The following FSTL1 variants were observed in gnomAD, a reference collection of about 807,000 sequenced individuals.
FSTL1 encodes follistatin like 1, also known as follistatin-related protein 1.
Under a neutral mutation model 45.9 loss-of-function variants are expected in FSTL1, and 24 were observed. The observed-to-expected ratio is 0.52, with a 90% confidence interval of 0.38 to 0.74. FSTL1 has a LOEUF of 0.74. Ranked by LOEUF, FSTL1 falls within the 30% of genes least tolerant of loss-of-function variation. The pLI is 0.00. For synonymous variants in FSTL1, 120 were observed against 137.6 expected (o/e 0.87, Z 0.89); for missense variants, 340 against 381.8 (o/e 0.89, Z 0.91).
chr3:120,398,569 T>C (rs1175418131), intron 10 of FSTL1, among the ~76,000 whole-genome samples: 2 of 152,210 alleles, frequency 1.3e-5, no homozygotes, highest in East Asian at 1.9e-4. Flanking sequence ...AGATCCCCAA[T>C]AGGATTAAGA....
intron 2 of FSTL1, among the ~76,000 whole-genome samples, chr3:120,424,867 A>G (rs144454136): frequency 1.8e-3 from 279 of 152,210 alleles, no homozygotes; most frequent in Non-Finnish European, 3.4e-3. Flanking sequence ...TCAGTTATGG[A>G]CGCGTCTCAA....
intron 4 of FSTL1, 31 bp downstream of exon 4, chr3:120,411,823 G>A: frequency 1.9e-6 from 3 of 1,597,146 alleles, no homozygotes; most frequent in Non-Finnish European, 2.6e-6. Flanking sequence ...CGTGGCTAAA[G>A]CTGCCTTGCA....
rs919805849 is a variant in FSTL1, at chr3:120,393,156, A to T, written c.*3796T>A. The T allele has an allele frequency of 3.9e-5, 6 of 152,222 alleles. No individual in the cohort carries two copies. Among genetic ancestry groups the T allele is most frequent in the Non-Finnish European group, 7.3e-5 (5 of 68,034 alleles). The allele number at this position is 152,222 out of a possible 1,614,324, so 9.4% of individuals were successfully genotyped here. On this transcript the variant is annotated 3_prime_UTR_variant, in exon 11 of 11. Coordinates refer to ENST00000295633, the MANE Select transcript of FSTL1 (RefSeq NM_007085.5). ...ATGAAAATTTGAAGAATCAAACTGT[A>T]AGAGCAGTAATCTGTAGCAATCACA...
chr3:120,406,963 C>A (rs1443748222), intron 6 of FSTL1, among the ~76,000 whole-genome samples: 1 of 152,104 alleles, frequency 6.6e-6, no homozygotes, highest in Non-Finnish European at 1.5e-5. Context: ...ATATACCTTA[C>A]ACATATAGCC....
intron 8 of FSTL1, 27 bp downstream of exon 8, chr3:120,403,215 G>A (rs375055685): frequency 3.5e-5 from 43 of 1,238,356 alleles, no homozygotes; most frequent in Non-Finnish European, 5.1e-5. Context: ...ATTCACTACA[G>A]CTCTCTATTT....
chr3:120,403,980 A>AAACAACAACAACAACAAC (rs796482251), intron 7 of FSTL1, among the ~76,000 whole-genome samples: 1 of 118,968 alleles, frequency 8.4e-6, no homozygotes, highest in Non-Finnish European at 1.8e-5. Flanking sequence ...AAACAAAAAA[A>AAACAACAACAACAACAAC]AACAAAAAAC....
At chr3:120,447,204 C>CT (rs1373490080) in intron 2 of FSTL1, among the ~76,000 whole-genome samples, 1 of 152,164 alleles carries the variant, frequency 6.6e-6, no homozygotes, top group Non-Finnish European at 1.5e-5. Flanking sequence ...AGGCTCCATA[C>CT]TATGCATCCA....
chr3:120,422,725 C>T (rs543901222), intron 2 of FSTL1, among the ~76,000 whole-genome samples: 15 of 150,938 alleles, frequency 9.9e-5, no homozygotes, highest in South Asian at 2.1e-4. Context: ...GATGGAGTCT[C>T]GCTCTGGTGC....
chr3:120,419,125 T>C (rs1161037669), intron 2 of FSTL1: 2 of 152,230 alleles, frequency 1.3e-5, no homozygotes, highest in Admixed American at 6.5e-5. Context: ...AGCACTGCAA[T>C]GCAGAAGCGC....
At chr3:120,426,698 G>A (rs6775994) in intron 2 of FSTL1, among the ~76,000 whole-genome samples, 2,283 of 152,208 alleles carry the variant, frequency 0.015, 63 homozygotes, top group African/African-American at 0.052. Flanking sequence ...CACTATTCTC[G>A]ACGGTGGTCC....
At chr3:120,431,508 T>A (rs533521881) in intron 2 of FSTL1, among the ~76,000 whole-genome samples, 1 of 152,246 alleles carries the variant, frequency 6.6e-6, no homozygotes, top group East Asian at 1.9e-4. Flanking sequence ...CTAGTAGCTA[T>A]CGGCATTGAA....
intron 2 of FSTL1, chr3:120,419,622 C>G (rs1937244691): frequency 6.6e-6 from 1 of 152,468 alleles, no homozygotes; most frequent in Non-Finnish European, 1.5e-5. Flanking sequence ...GATGGCTGAC[C>G]TGAGGGGCTC....
chr3:120,430,703 A>G (rs962877128), intron 2 of FSTL1, among the ~76,000 whole-genome samples: 3 of 152,356 alleles, frequency 2.0e-5, no homozygotes, highest in African/African-American at 7.2e-5. Flanking sequence ...TCTATAAGTA[A>G]TATACAGGAC....
At chr3:120,412,102 C>CTCTGGTGGTGG in intron 3 of FSTL1, 119 bp from the exon 4 acceptor site, 12 of 994,216 alleles carry the variant, frequency 1.2e-5, no homozygotes, top group Non-Finnish European at 1.5e-5. Flanking sequence ...TCTCCACCAC[C>CTCTGGTGGTGG]AGAGATGGTG....
intron 6 of FSTL1, among the ~76,000 whole-genome samples, chr3:120,406,233 C>A (rs917593795): frequency 1.2e-4 from 19 of 152,160 alleles, no homozygotes; most frequent in Admixed American, 1.3e-4. Context: ...CCTGACGAAA[C>A]TTCCCTGTTT....
At chr3:120,402,984 G>C (rs1418535730) in intron 8 of FSTL1, 66 bp from the exon 9 acceptor site, 1 of 1,042,002 alleles carries the variant, frequency 9.6e-7, no homozygotes, top group Non-Finnish European at 1.5e-6. Flanking sequence ...CTTTGCTACA[G>C]TCTGTGCACC....
intron 5 of FSTL1, 80 bp downstream of exon 5, chr3:120,410,872 G>T: frequency 9.2e-7 from 1 of 1,089,572 alleles, no homozygotes; most frequent in Non-Finnish European, 1.4e-6. Context: ...GAGCTTGGCA[G>T]GGATTGTGGA....
At chr3:120,450,611 G>T in intron 2 of FSTL1, 73 bp downstream of exon 2, 1 of 1,018,676 alleles carries the variant, frequency 9.8e-7, no homozygotes. Flanking sequence ...CCCAGGACGC[G>T]CGCCCACCCG....
chr3:120,445,580 T>C (rs892606105), intron 2 of FSTL1, among the ~76,000 whole-genome samples: 3 of 149,622 alleles, frequency 2.0e-5, no homozygotes, highest in Non-Finnish European at 4.4e-5. Flanking sequence ...GGTGCCTACA[T>C]GGGCCAGATG....
Sources: allele counts gnomAD v4.1 joint callset (sites outside exome capture counted in the v4.1 genomes callset), GRCh38; gene constraint gnomAD v4.1.1; transcripts MANE v1.5; gene names NCBI Gene and HGNC (gene_info 2026-07-23, HGNC 2026-07-21).